The following RHPN2 variants were observed in gnomAD, a reference collection of about 807,000 sequenced individuals.
RHPN2 encodes rhophilin-2.
RHPN2 carries 40 observed loss-of-function variants against 79.0 expected under a neutral mutation model. The ratio of observed to expected loss-of-function variants is 0.51; its 90% CI spans 0.39 to 0.66. The LOEUF is 0.66. RHPN2 is among the 30% of genes least tolerant of loss of function. The probability of loss-of-function intolerance (pLI) is 0.00; values close to 1 mark genes in which losing one functional copy is unlikely to be tolerated. For synonymous variants in RHPN2, 285 were observed against 363.5 expected (o/e 0.78, Z 2.46); for missense variants, 686 against 883.5 (o/e 0.78, Z 2.83).
chr19:32,990,422 G>T lies in RHPN2; in HGVS notation c.1800+92C>A, dbSNP rs892763523. On this transcript the variant is annotated intron_variant, in intron 14 of 14. Coordinates refer to ENST00000254260, the MANE Select transcript of RHPN2 (RefSeq NM_033103.5). ...TTTGTACCATGTTACACAGGCAGGA[G>T]ACAGAGGGTCTGGTAAACACCTCTG... 2.2e-5 allele frequency: 29 copies of T among 1,326,328 alleles called. No homozygotes were observed. The African/African-American group carries it at 3.9e-4, about 18-fold the overall frequency. The allele number at this position is 1,326,328 out of a possible 1,614,324, so 82.2% of individuals were successfully genotyped here.
intron 14 of RHPN2, among the ~76,000 whole-genome samples, chr19:32,982,334 G>A (rs1971581231): frequency 6.6e-6 from 1 of 152,034 alleles, no homozygotes; most frequent in Non-Finnish European, 1.5e-5. Flanking sequence ...TTGAACCCAG[G>A]AGGCGGAGGT....
At chr19:33,003,582 G>A (rs1457645112) in intron 7 of RHPN2, among the ~76,000 whole-genome samples, 2 of 151,614 alleles carry the variant, frequency 1.3e-5, no homozygotes, top group South Asian at 2.1e-4. Context: ...CCACCCAGAC[G>A]TCCATGAGCA....
intron 1 of RHPN2, among the ~76,000 whole-genome samples, chr19:33,060,986 G>C (rs1402630929): frequency 6.6e-6 from 1 of 152,128 alleles, no homozygotes; most frequent in African/African-American, 2.4e-5. Flanking sequence ...CCATTCACGT[G>C]TCAAAGCGGT....
Position 33,026,598 on chromosome 19 carries a change from G to T in RHPN2, c.220C>A (p.Arg74=), listed in dbSNP as rs753804504. ...GAGTTGACGAAGCTCAGCTCCAGCC[G>T]CACTTGCTCCCGCACCTTTGAGTTT... is the stretch of plus-strand genomic sequence containing the variant. ...ATNSKVREQV[R]LELSFVNSDL... is the part of the protein sequence containing the mutation. The change falls in exon 3 of 15, where the codon CGG becomes AGG. Residue 74 remains arginine (R), a synonymous_variant. Coordinates refer to ENST00000254260, the MANE Select transcript of RHPN2 (RefSeq NM_033103.5). 3.7e-6 allele frequency: 6 copies of T among 1,608,846 alleles called. No individual in the cohort carries two copies. The highest frequency in any genetic ancestry group is 1.3e-5 in the African/African-American group (1 of 74,966).
At chr19:33,016,449 G>A (rs543237770) in intron 4 of RHPN2, among the ~76,000 whole-genome samples, 16 of 152,272 alleles carry the variant, frequency 1.1e-4, no homozygotes, top group African/African-American at 3.6e-4. Flanking sequence ...GGGAAGCCAA[G>A]GAGGGTGGAT....
intron 2 of RHPN2, among the ~76,000 whole-genome samples, chr19:33,042,303 C>T (rs570075252): frequency 1.8e-4 from 27 of 152,278 alleles, no homozygotes; most frequent in Admixed American, 3.9e-4. Flanking sequence ...GGCCACAGAG[C>T]AGGCCTGTCC....
intron 14 of RHPN2, among the ~76,000 whole-genome samples, chr19:32,982,467 G>A (rs533689130): frequency 5.3e-5 from 8 of 152,184 alleles, no homozygotes; most frequent in Middle Eastern, 3.4e-3. Context: ...TCTGAGTTAT[G>A]CAGCAATAAA....
intron 1 of RHPN2, among the ~76,000 whole-genome samples, chr19:33,046,091 C>G (rs1239823055): frequency 6.6e-6 from 1 of 151,452 alleles, no homozygotes; most frequent in Non-Finnish European, 1.5e-5. Flanking sequence ...TGTACTTTAT[C>G]CATTCATCAT....
chr19:33,011,893 G>A (rs1971838400), intron 5 of RHPN2, 90 bp from the exon 6 acceptor site: 1 of 1,545,646 alleles, frequency 6.5e-7, no homozygotes, highest in African/African-American at 1.4e-5. Flanking sequence ...ACCAGCAGGT[G>A]CCTGTAACTA....
chr19:33,028,532 G>T (rs1971985326), intron 2 of RHPN2, among the ~76,000 whole-genome samples: 1 of 152,034 alleles, frequency 6.6e-6, no homozygotes, highest in Non-Finnish European at 1.5e-5. Flanking sequence ...GCATCAAAAA[G>T]AATAAAATAC....
chr19:33,045,922 T>A (rs1478165806), intron 1 of RHPN2, among the ~76,000 whole-genome samples: 1 of 152,230 alleles, frequency 6.6e-6, no homozygotes, highest in Non-Finnish European at 1.5e-5. Context: ...TATTCAAGAT[T>A]ATTTCATATA....
At chr19:32,995,764 C>G (rs553792189) in intron 11 of RHPN2, among the ~76,000 whole-genome samples, 1 of 152,244 alleles carries the variant, frequency 6.6e-6, no homozygotes, top group Admixed American at 6.5e-5. Context: ...GAGGCTGAGG[C>G]AGAAGAATCA....
intron 12 of RHPN2, among the ~76,000 whole-genome samples, chr19:32,993,126 C>A (rs1412444143): frequency 7.3e-6 from 1 of 137,358 alleles, no homozygotes; most frequent in African/African-American, 2.8e-5. Flanking sequence ...TCTAAAAAAA[C>A]TAAAAAATAT....
chr19:33,060,696 C>T (rs188889437), intron 1 of RHPN2, among the ~76,000 whole-genome samples: 1 of 152,224 alleles, frequency 6.6e-6, no homozygotes, highest in African/African-American at 2.4e-5. Flanking sequence ...CTATGCCAGG[C>T]TGATTTTTAA....
chr19:33,064,622 T>C (rs1310382740), intron 1 of RHPN2, among the ~76,000 whole-genome samples, 162 bp downstream of exon 1: 5 of 142,790 alleles, frequency 3.5e-5, no homozygotes, highest in Non-Finnish European at 6.1e-5. Context: ...CCGCCCCCAC[T>C]CCTCCCCGCC....
intron 6 of RHPN2, among the ~76,000 whole-genome samples, chr19:33,010,323 T>C (rs1971825419): frequency 6.6e-6 from 1 of 151,992 alleles, no homozygotes; most frequent in South Asian, 2.1e-4. Context: ...CTCCTTTCAC[T>C]GACACTCCTA....
At chr19:33,036,718 G>A (rs76886985) in intron 2 of RHPN2, among the ~76,000 whole-genome samples, 2 of 152,186 alleles carry the variant, frequency 1.3e-5, no homozygotes, top group Non-Finnish European at 2.9e-5. Context: ...GGGCTGGACG[G>A]GCCCCGCACT....
chr19:33,044,631 G>A (rs1191764665), intron 1 of RHPN2, among the ~76,000 whole-genome samples: 6 of 152,150 alleles, frequency 3.9e-5, no homozygotes, highest in Non-Finnish European at 8.8e-5. Flanking sequence ...TGTGGCTCAT[G>A]CCTGTAATCC....
chr19:33,032,739 G>A (rs894993211), intron 2 of RHPN2, among the ~76,000 whole-genome samples: 2 of 152,114 alleles, frequency 1.3e-5, no homozygotes, highest in Non-Finnish European at 2.9e-5. Flanking sequence ...GATTGGGGTG[G>A]GGGCGGAATC....
Sources: gnomAD v4.1 joint callset for allele counts (sites outside exome capture counted in the v4.1 genomes callset) on GRCh38, gnomAD v4.1.1 for gene constraint, MANE v1.5 for transcripts, NCBI Gene and HGNC (gene_info 2026-07-23, HGNC 2026-07-21) for gene names.